Variants in SHISA9 observed in about 807,000 individuals in gnomAD.
SHISA9 encodes the protein protein shisa-9.
In SHISA9, 13 loss-of-function variants were observed where a neutral mutation model predicts 38.0. That is an observed-to-expected ratio of 0.34 (90% CI 0.22 to 0.54). The LOEUF (loss-of-function observed/expected upper bound fraction) is 0.54, where lower values mean the gene tolerates loss of function less well. SHISA9 is among the 20% of genes least tolerant of loss of function. SHISA9 has a pLI of 0.91. For synonymous variants in SHISA9, 275 were observed against 242.0 expected (o/e 1.14, Z -1.27); for missense variants, 538 against 575.8 (o/e 0.93, Z 0.67).
intron 2 of SHISA9, among the ~76,000 whole-genome samples, chr16:12,947,677 G>A (rs900509923): frequency 3.3e-5 from 5 of 152,100 alleles, no homozygotes; most frequent in African/African-American, 4.8e-5. Flanking sequence ...TTAAATATTC[G>A]ATGCTTTTAG....
chr16:13,449,979 T>C, the SHISA9 span, among the ~76,000 whole-genome samples: 2 of 152,078 alleles, frequency 1.3e-5, no homozygotes, highest in Non-Finnish European at 2.9e-5. Flanking sequence ...TAGCAGTGTG[T>C]GGTGGCACAC....
chr16:13,486,120 T>C, the SHISA9 span, among the ~76,000 whole-genome samples: 1 of 152,224 alleles, frequency 6.6e-6, no homozygotes, highest in Non-Finnish European at 1.5e-5. Context: ...TGATTCCAGA[T>C]GGTTCATGGA....
chr16:13,414,662 T>TTTTC, the SHISA9 span, among the ~76,000 whole-genome samples: 1 of 150,748 alleles, frequency 6.6e-6, no homozygotes, highest in South Asian at 2.1e-4. Flanking sequence ...TTTTTTTTTT[T>TTTTC]CAGACAGAGT....
the SHISA9 span, among the ~76,000 whole-genome samples, chr16:13,246,835 C>G: frequency 1.3e-5 from 2 of 151,904 alleles, no homozygotes; most frequent in South Asian, 4.2e-4. Context: ...GCACTTAGAA[C>G]TGTATCTGAC....
At chr16:13,278,566 T>G in the SHISA9 span, among the ~76,000 whole-genome samples, 1 of 151,974 alleles carries the variant, frequency 6.6e-6, no homozygotes, top group African/African-American at 2.4e-5. Flanking sequence ...TTGTTGGTAA[T>G]TTTTAAATTA....
chr16:13,194,622 A>AT (rs1162461194), intron 2 of SHISA9, among the ~76,000 whole-genome samples: 5 of 152,118 alleles, frequency 3.3e-5, no homozygotes, highest in African/African-American at 7.2e-5. Flanking sequence ...CAATATCATC[A>AT]TTTTTTGTGT....
At chr16:13,230,860 C>A (rs1039846391) in intron 4 of SHISA9, among the ~76,000 whole-genome samples, 1 of 152,120 alleles carries the variant, frequency 6.6e-6, no homozygotes, top group Non-Finnish European at 1.5e-5. Context: ...AGGGTAACTT[C>A]CTGACATTGC....
the SHISA9 span, among the ~76,000 whole-genome samples, chr16:13,470,051 T>G: frequency 6.6e-6 from 1 of 152,220 alleles, no homozygotes; most frequent in Non-Finnish European, 1.5e-5. Context: ...GGTGTTTGTA[T>G]TTTGATGCAT....
intron 2 of SHISA9, among the ~76,000 whole-genome samples, chr16:13,118,570 A>C (rs2074053590): frequency 6.6e-6 from 1 of 152,104 alleles, no homozygotes; most frequent in Non-Finnish European, 1.5e-5. Context: ...AAATGAAGAA[A>C]AACAGATTTT....
At chr16:12,987,112 G>A (rs1009376126) in intron 2 of SHISA9, among the ~76,000 whole-genome samples, 1 of 152,230 alleles carries the variant, frequency 6.6e-6, no homozygotes, top group Admixed American at 6.5e-5. Flanking sequence ...ATTGTGGTCA[G>A]AGTGTTGTGT....
the SHISA9 span, among the ~76,000 whole-genome samples, chr16:13,559,383 A>AT: frequency 0.17 from 24,403 of 141,574 alleles, 2,424 homozygotes; most frequent in African/African-American, 0.27. Context: ...TGCATTTTCT[A>AT]TTTTTTTTTT....
At chr16:13,391,354 A>G in the SHISA9 span, among the ~76,000 whole-genome samples, 2 of 152,228 alleles carry the variant, frequency 1.3e-5, no homozygotes. Context: ...GCAAAACTGT[A>G]GCTCTGTACA....
chr16:12,963,438 A>G (rs2071937200), intron 2 of SHISA9, among the ~76,000 whole-genome samples: 1 of 152,218 alleles, frequency 6.6e-6, no homozygotes, highest in Admixed American at 6.5e-5. Flanking sequence ...CCATAACATC[A>G]GGGTGGATGT....
At chr16:13,126,062 C>G (rs916426667) in intron 2 of SHISA9, among the ~76,000 whole-genome samples, 1 of 152,178 alleles carries the variant, frequency 6.6e-6, no homozygotes, top group African/African-American at 2.4e-5. Context: ...AAATCCAACT[C>G]ATTGACATAT....
At chr16:13,398,783 A>T in the SHISA9 span, among the ~76,000 whole-genome samples, 39 of 152,112 alleles carry the variant, frequency 2.6e-4, no homozygotes, top group African/African-American at 8.2e-4. Flanking sequence ...AAATGCTAGG[A>T]TTACAGGTGT....
intron 2 of SHISA9, among the ~76,000 whole-genome samples, chr16:13,130,457 A>G (rs9926783): frequency 0.05 from 7,600 of 152,086 alleles, 488 homozygotes; most frequent in African/African-American, 0.15. Context: ...TTGCTACATG[A>G]TACCATCCCT....
chr16:12,908,638 T>G (rs1427052715), intron 1 of SHISA9: 7 of 1,550,150 alleles, frequency 4.5e-6, no homozygotes, highest in Non-Finnish European at 6.1e-6. Context: ...CCTGCAGGAA[T>G]TCCAGACTTC....
the SHISA9 span, among the ~76,000 whole-genome samples, chr16:13,374,994 C>A: frequency 6.6e-6 from 1 of 152,172 alleles, no homozygotes; most frequent in Non-Finnish European, 1.5e-5. Flanking sequence ...ATATCCTTTG[C>A]CCACTTTTTG....
chr16:13,401,345 C>G, the SHISA9 span, among the ~76,000 whole-genome samples: 1 of 152,170 alleles, frequency 6.6e-6, no homozygotes, highest in Non-Finnish European at 1.5e-5. Context: ...TTTAAACTGC[C>G]AGTCTGACTC....
Sources: gnomAD v4.1 joint callset for allele counts (sites outside exome capture counted in the v4.1 genomes callset) on GRCh38, gnomAD v4.1.1 for gene constraint, MANE v1.5 for transcripts, NCBI Gene and HGNC (gene_info 2026-07-23, HGNC 2026-07-21) for gene names.